Variants in ZCCHC2 observed in about 807,000 individuals in gnomAD.
ZCCHC2 encodes zinc finger CCHC domain-containing protein 2.
In ZCCHC2, 39 loss-of-function variants were observed where a neutral mutation model predicts 103.6. The ratio of observed to expected loss-of-function variants is 0.38; its 90% CI spans 0.29 to 0.49. ZCCHC2 has a LOEUF of 0.49. Ranked by LOEUF, ZCCHC2 falls within the 20% of genes least tolerant of loss-of-function variation. The probability of loss-of-function intolerance (pLI) is 0.96; values close to 1 mark genes in which losing one functional copy is unlikely to be tolerated. For synonymous variants in ZCCHC2, 687 were observed against 608.9 expected (o/e 1.13, Z -1.89); for missense variants, 1,483 against 1,491.0 (o/e 0.99, Z 0.09).
chr18:62,574,007 A>G lies in ZCCHC2; in HGVS notation c.1976-50A>G, dbSNP rs749491982. 4 of 1,529,446 alleles carry G rather than the reference A, an allele frequency of 2.6e-6. No homozygotes were observed. In the African/African-American group the frequency reaches 5.5e-5, roughly 21 times the overall value. The allele number at this position is 1,529,446 out of a possible 1,614,324, so 94.7% of individuals were successfully genotyped here. On this transcript the variant is annotated intron_variant, in intron 12 of 13. Coordinates refer to ENST00000269499, the MANE Select transcript of ZCCHC2 (RefSeq NM_017742.6). ...ACTCAATGTTTATTTCTAGCAAGAA[A>G]GATGGGAGTTATGCCCGTGTTAATA...
intron 2 of ZCCHC2, among the ~76,000 whole-genome samples, chr18:62,541,646 A>G (rs1272632066): frequency 6.6e-6 from 1 of 152,018 alleles, no homozygotes; most frequent in Non-Finnish European, 1.5e-5. Flanking sequence ...TACCTCCCTC[A>G]TTATCCTGAA....
chr18:62,561,336 G>A (rs946582649), intron 8 of ZCCHC2, among the ~76,000 whole-genome samples: 1 of 152,116 alleles, frequency 6.6e-6, no homozygotes, highest in Admixed American at 6.5e-5. Flanking sequence ...TTATCATCTG[G>A]TTCTCCCTTT....
At chr18:62,579,382 A>G (rs1188753340), downstream of ZCCHC2, among the ~76,000 whole-genome samples, 1 of 152,144 alleles carries the variant, frequency 6.6e-6, no homozygotes, top group Non-Finnish European at 1.5e-5. Flanking sequence ...TTGGTAATTT[A>G]TAAGAGACGG....
In ZCCHC2 at chr18:62,575,234, G is replaced by T; in HGVS notation, c.3153G>T (p.Leu1051=). The T allele has an allele frequency of 6.2e-7, 1 of 1,613,954 alleles. No individual in the cohort carries two copies. The highest frequency in any genetic ancestry group is 1.1e-5 in the South Asian group (1 of 91,082). The change falls in exon 13 of 14, where the codon CTG becomes CTT. Residue 1051 remains leucine (L), a synonymous_variant. Transcript: ENST00000269499. ...ACCGAGTCCCTTCATTCTTTACTCT[G>T]CCATCCATTTGCAATGGCAGCTACC... ...PMYRVPSFFT[L]PSICNGSYLN...
At chr18:62,569,463 A>G (rs1916502970) in intron 11 of ZCCHC2, among the ~76,000 whole-genome samples, 1 of 151,754 alleles carries the variant, frequency 6.6e-6, no homozygotes. Flanking sequence ...GGGTTTACAG[A>G]GATAAGAGAA....
intron 4 of ZCCHC2, among the ~76,000 whole-genome samples, chr18:62,547,901 T>A (rs1252391347): frequency 6.6e-6 from 1 of 152,134 alleles, no homozygotes; most frequent in Non-Finnish European, 1.5e-5. Flanking sequence ...AGCTGTCATT[T>A]CTCATGATCA....
chr18:62,566,433 G>A (rs956961259), intron 11 of ZCCHC2, among the ~76,000 whole-genome samples: 1 of 152,212 alleles, frequency 6.6e-6, no homozygotes, highest in African/African-American at 2.4e-5. Flanking sequence ...CAAGCTAAAT[G>A]AGGAAGACAG....
chr18:62,523,898 G>C lies in ZCCHC2; in HGVS notation c.474G>C (p.Pro158=), dbSNP rs1036970736. 7.1e-6 allele frequency: 11 copies of C among 1,538,588 alleles called. No homozygotes were observed. Among genetic ancestry groups the C allele is most frequent in the South Asian group, 2.4e-5 (2 of 83,740 alleles). Residue 158 remains proline (P), a synonymous_variant, in exon 1 of 14, where the codon CCG becomes CCC. Coordinates refer to ENST00000269499, the MANE Select transcript of ZCCHC2 (RefSeq NM_017742.6). ...SEAKANGLSD[P]GPLADFREPA... is the part of the protein sequence containing the mutation. Reference sequence around the variant, plus strand: ...CCAAGGCCAACGGCCTCTCGGACCCGGGGCCGCTGGCCGACTTCCGAGAGC... The same window carrying C: ...CCAAGGCCAACGGCCTCTCGGACCCCGGGCCGCTGGCCGACTTCCGAGAGC...
Position 62,574,415 on chromosome 18 carries a change from C to G in ZCCHC2, c.2334C>G (p.Cys778Trp). The G allele has an allele frequency of 2.5e-6, 4 of 1,613,990 alleles. No individual in the cohort carries two copies. The highest frequency in any genetic ancestry group is 3.4e-6 in the Non-Finnish European group (4 of 1,179,886). ...TPVGILGPTA[C>W]TGESEKHLEL... ...TTGGAATACTAGGGCCAACAGCTTG[C>G]ACTGGAGAATCGGAAAAGCACCTTG... Residue 778 changes from cysteine to tryptophan, a missense_variant, in exon 13 of 14, where the codon TGC (cysteine) becomes TGG (tryptophan). Physicochemically the swap from Cys to Trp is radical, Grantham distance 215 (BLOSUM62 -2). Around this residue, in one of 3 missense-constraint regions of ZCCHC2, gnomAD observed 884 missense variants for 907.5 expected, o/e 0.97. Transcript: ENST00000269499.
intron 12 of ZCCHC2, among the ~76,000 whole-genome samples, chr18:62,571,859 G>C (rs2145532837): frequency 6.9e-6 from 1 of 144,684 alleles, no homozygotes; most frequent in East Asian, 1.9e-4. Flanking sequence ...GTCTTAGGGA[G>C]CTATGGTATA....
chr18:62,531,185 A>T (rs1232712448), intron 1 of ZCCHC2, among the ~76,000 whole-genome samples: 1 of 152,188 alleles, frequency 6.6e-6, no homozygotes, highest in Admixed American at 6.5e-5. Context: ...CTTACAAAGA[A>T]TTCTTTGTCA....
intron 11 of ZCCHC2, among the ~76,000 whole-genome samples, chr18:62,569,657 G>A (rs1440312522): frequency 1.3e-5 from 2 of 151,646 alleles, no homozygotes; most frequent in Non-Finnish European, 2.9e-5. Flanking sequence ...CAGAACTCAG[G>A]GGACTATTCA....
In ZCCHC2 at chr18:62,528,932, G is replaced by GGTGA. The variant is rs1914561394; in HGVS notation, c.939+4572_939+4573insAGTG. Among the ~76,000 whole-genome samples the GGTGA allele has an allele frequency of 2.6e-5, 4 of 152,212 alleles. No individual in the cohort carries two copies. The South Asian group carries it at 8.3e-4, about 32-fold the overall frequency. Reference sequence around the variant, plus strand: ...TTCCAGCACTTTGAAAGCCAAGGCAGGTGGATCACCTGAGGTCAGGAGTTA... The same window carrying GGTGA: ...TTCCAGCACTTTGAAAGCCAAGGCAGGTGAGTGGATCACCTGAGGTCAGGAGTTA... On this transcript the variant is annotated intron_variant, in intron 1 of 13. Coordinates refer to ENST00000269499, the MANE Select transcript of ZCCHC2 (RefSeq NM_017742.6).
chr18:62,524,471 G>T, intron 1 of ZCCHC2, 108 bp downstream of exon 1: 1 of 1,392,274 alleles, frequency 7.2e-7, no homozygotes, highest in Non-Finnish European at 9.3e-7. Flanking sequence ...CGGCGCAGGT[G>T]GCTCGGAATC....
In ZCCHC2 at chr18:62,539,780, G is replaced by A. The variant is rs1331089087; in HGVS notation, c.1039G>A (p.Ala347Thr). 6.2e-7 allele frequency: 1 copy of A among 1,606,808 alleles called. No individual in the cohort carries two copies. Among genetic ancestry groups the A allele is most frequent in the Non-Finnish European group, 8.5e-7 (1 of 1,176,486 alleles). Residue 347 changes from alanine (A) to threonine (T), a missense_variant, in exon 2 of 14, where the codon GCT becomes ACT. Coordinates refer to ENST00000269499, the MANE Select transcript of ZCCHC2 (RefSeq NM_017742.6). The stretch of plus-strand genomic sequence containing the variant: ...CGGACTTACCGTGGCACCTCACAGA[G>A]CTCAGCGAGAAGGTATGCTCTCTTT... ...QDGLTVAPHR[A>T]QREAVHIEKI...
intron 5 of ZCCHC2, among the ~76,000 whole-genome samples, chr18:62,552,931 A>G (rs1915728022): frequency 6.6e-6 from 1 of 151,890 alleles, no homozygotes; most frequent in African/African-American, 2.4e-5. Context: ...TCCTTGTTAA[A>G]GCTTTTAGGA....
intron 11 of ZCCHC2, among the ~76,000 whole-genome samples, chr18:62,566,914 G>C (rs1916391709): frequency 6.6e-6 from 1 of 152,204 alleles, no homozygotes; most frequent in Non-Finnish European, 1.5e-5. Context: ...TAATAAATTA[G>C]AGGGAAACAT....
chr18:62,562,440 C>T (rs1339982255), intron 8 of ZCCHC2, among the ~76,000 whole-genome samples: 1 of 151,968 alleles, frequency 6.6e-6, no homozygotes, highest in African/African-American at 2.4e-5. Flanking sequence ...CATCTATTTC[C>T]CATTTGTTGA....
chr18:62,548,179 A>G (rs1469311206), intron 4 of ZCCHC2, among the ~76,000 whole-genome samples: 3 of 152,144 alleles, frequency 2.0e-5, no homozygotes, highest in African/African-American at 7.2e-5. Flanking sequence ...TGGGTATGCT[A>G]GAACTAGGAT....
Sources: gnomAD v4.1 joint callset for allele counts (sites outside exome capture counted in the v4.1 genomes callset) on GRCh38, gnomAD v4.1.1 for gene constraint, gnomAD v4.1.1 regional missense constraint, MANE v1.5 for transcripts, NCBI Gene and HGNC (gene_info 2026-07-23, HGNC 2026-07-21) for gene names.